The following PCNX4 variants were observed in gnomAD, a reference collection of about 807,000 sequenced individuals.
PCNX4 encodes the protein pecanex 4, also known as pecanex-like protein 4.
Under a neutral mutation model 107.2 loss-of-function variants are expected in PCNX4, and 103 were observed. The observed-to-expected ratio is 0.96, with a 90% CI of 0.82 to 1.13. PCNX4 has a LOEUF of 1.13. PCNX4 is among the 50% of genes most tolerant of loss of function. The pLI is 0.00. For missense variants in PCNX4, 1,528 were observed against 1,379.4 expected (o/e 1.11, Z -1.71); for synonymous variants, 541 against 481.7 (o/e 1.12, Z -1.61).
Position 60,141,455 on chromosome 14 carries a change from TCAGG to T in PCNX4, c.*7238_*7241del. On this transcript the variant is annotated 3_prime_UTR_variant, in exon 11 of 11. Coordinates refer to ENST00000406854, the MANE Select transcript of PCNX4 (RefSeq NM_001330177.2). ...ATGAAATGAAGAGTATCACTATAAA[TCAGG>T]CAGTCATTAAAAAGATAATGAGGAA... The T allele has an allele frequency of 6.6e-6, 1 of 152,244 alleles. No individual in the cohort carries two copies. Among genetic ancestry groups the T allele is most frequent in the East Asian group, 1.9e-4 (1 of 5,182 alleles). The allele number at this position is 152,244 out of a possible 1,614,324, so 9.4% of individuals were successfully genotyped here.
chr14:60,110,273 A>G (rs1895716310), intron 2 of PCNX4: 1 of 167,130 alleles, frequency 6.0e-6, no homozygotes, highest in South Asian at 2.1e-4. Flanking sequence ...AAAGTGCAGT[A>G]TTCTTCAAGA....
In PCNX4 at chr14:60,103,276, A is replaced by G. The variant is rs76875281; in HGVS notation, c.-53-4310A>G. The stretch of plus-strand genomic sequence containing the variant: ...TTAGTTACATGATCTGTTACTAGAT[A>G]TCATGGGAAAAATGGGTTCCAAGGT... On this transcript the variant is annotated intron_variant, in intron 1 of 10. Coordinates refer to ENST00000406854, the MANE Select transcript of PCNX4 (RefSeq NM_001330177.2). Among the ~76,000 whole-genome samples the G allele has an allele frequency of 3.7e-4, 57 of 152,350 alleles. No individual in the cohort carries two copies. In the East Asian group the frequency reaches 9.1e-3, roughly 24 times the overall value.
chr14:60,124,311 G>C lies in PCNX4; in HGVS notation c.2140G>C (p.Val714Leu), dbSNP rs748704165. 1 of 1,611,094 alleles carries C rather than the reference G, an allele frequency of 6.2e-7. No homozygotes were observed. Among genetic ancestry groups the C allele is most frequent in the East Asian group, 2.2e-5 (1 of 44,820 alleles). Residue 714 changes from valine to leucine, a missense_variant, in exon 9 of 11, where the codon GTA becomes CTA. Transcript: ENST00000406854. ...EDAFEQEYTR[V>L]CSLNEHFGNV... is the part of the protein sequence containing the mutation. The stretch of plus-strand genomic sequence containing the variant: ...TGCTTTTGAGCAAGAATACACAAGA[G>C]TATGTTCCCTTAATGAACACTTTGG...
Position 60,125,184 on chromosome 14 carries a change from T to G in PCNX4, c.3013T>G (p.Trp1005Gly), listed in dbSNP as rs149809900. 6 of 1,611,208 alleles carry G rather than the reference T, an allele frequency of 3.7e-6. No homozygotes were observed. Among genetic ancestry groups the G allele is most frequent in the Non-Finnish European group, 5.1e-6 (6 of 1,178,740 alleles). ...GAGAGTTTACGGTGGTGTTTTGCCT[T>G]GGTCTGTTGCTTTGGACTGGCTCAC... ...ILRVYGGVLP[W>G]SVALDWLTEK... is the part of the protein sequence containing the mutation. Residue 1005 changes from tryptophan to glycine, a missense_variant, in exon 9 of 11, where the codon TGG (tryptophan) becomes GGG (glycine). Physicochemically the swap from Trp to Gly is radical, Grantham distance 184 (BLOSUM62 -2). Coordinates refer to ENST00000406854, the MANE Select transcript of PCNX4 (RefSeq NM_001330177.2).
intron 1 of PCNX4, among the ~76,000 whole-genome samples, chr14:60,103,534 A>AAATC (rs1895572710): frequency 6.6e-6 from 1 of 152,342 alleles, no homozygotes; most frequent in Middle Eastern, 3.4e-3. Flanking sequence ...TCATTAAAAT[A>AAATC]AATCACCATA....
chr14:60,124,238 A>G lies in PCNX4; in HGVS notation c.2067A>G (p.Thr689=), dbSNP rs771206650. 3 of 1,589,744 alleles carry G rather than the reference A, an allele frequency of 1.9e-6. No individual in the cohort carries two copies. The highest frequency in any genetic ancestry group is 8.6e-7 in the Non-Finnish European group (1 of 1,167,802). ...TTTAGGGGTTAGAATTGCAGGAAAC[A>G]TCCTGTCATACTGCAGAAGCTCGCA... ...INIKGLELQE[T]SCHTAEARRV... is the part of the protein sequence containing the mutation. Residue 689 remains threonine (T), a synonymous_variant, in exon 9 of 11, where the codon ACA becomes ACG. Coordinates refer to ENST00000406854, the MANE Select transcript of PCNX4 (RefSeq NM_001330177.2).
At chr14:60,099,345 A>G (rs2140529919) in intron 1 of PCNX4, among the ~76,000 whole-genome samples, 1 of 152,338 alleles carries the variant, frequency 6.6e-6, no homozygotes, top group East Asian at 1.9e-4. Context: ...CTTTTTAGGA[A>G]TATGGATGAA....
chr14:60,122,493 T>C (rs891576525), intron 8 of PCNX4, among the ~76,000 whole-genome samples: 11 of 152,012 alleles, frequency 7.2e-5, no homozygotes, highest in African/African-American at 2.7e-4. Context: ...CACTTTCAGG[T>C]CTTTGCTCAA....
At chr14:60,133,592 G>A (rs1595181629) in intron 10 of PCNX4, 1 of 449,860 alleles carries the variant, frequency 2.2e-6, no homozygotes, top group East Asian at 6.8e-5. Context: ...TATGGAATGT[G>A]AATTATATCT....
At chr14:60,117,472 A>G (rs1435232418) in intron 6 of PCNX4, among the ~76,000 whole-genome samples, 1 of 152,202 alleles carries the variant, frequency 6.6e-6, no homozygotes, top group Non-Finnish European at 1.5e-5. Flanking sequence ...AGGTTTGTGT[A>G]TGTACGCTCT....
intron 4 of PCNX4, 116 bp from the exon 5 acceptor site, chr14:60,115,603 G>T (rs1454469480): frequency 3.7e-6 from 5 of 1,341,136 alleles, no homozygotes; most frequent in South Asian, 2.9e-5. Context: ...TTGTTTATTG[G>T]CTTTTTAGTT....
At chr14:60,102,986 G>A (rs907043331) in intron 1 of PCNX4, among the ~76,000 whole-genome samples, 2 of 152,060 alleles carry the variant, frequency 1.3e-5, no homozygotes, top group Non-Finnish European at 2.9e-5. Context: ...CCAGTGAATC[G>A]TAATTGTCTT....
chr14:60,124,880 T>C lies in PCNX4; in HGVS notation c.2709T>C (p.Ser903=). 3 of 1,613,832 alleles carry C rather than the reference T, an allele frequency of 1.9e-6. No individual in the cohort carries two copies. Among genetic ancestry groups the C allele is most frequent in the Non-Finnish European group, 2.5e-6 (3 of 1,179,776 alleles). The change falls in exon 9 of 11, where the codon AGT becomes AGC. Residue 903 remains serine (S), a synonymous_variant. Coordinates refer to ENST00000406854, the MANE Select transcript of PCNX4 (RefSeq NM_001330177.2). The part of the protein sequence containing the change: ...DMPYIPLMEF[S]CSHSHLVCLP... ...CATATATTCCTCTCATGGAGTTCAG[T>C]TGTTCACATTCTCACTTAGTATGCT...
At position 60,107,722 on chromosome 14, in the gene PCNX4, TCGATTCAAATTAGGCTA is replaced by T; in HGVS notation, c.85_101del (p.Arg29LeufsTer9). On this transcript the variant is annotated frameshift_variant, in exon 2 of 11. Coordinates refer to ENST00000406854, the MANE Select transcript of PCNX4 (RefSeq NM_001330177.2). LOFTEE classifies it high-confidence loss of function. Reference sequence around the variant, plus strand: ...TTCCACAGACTGTTCTTGGAGGCCCTCGATTCAAATTAGGCTATTGTGCCCCTCCTTACATATATGTT... The same window carrying T: ...TTCCACAGACTGTTCTTGGAGGCCCTTTGTGCCCCTCCTTACATATATGTT... 1 of 1,612,800 alleles carries T rather than the reference TCGATTCAAATTAGGCTA, an allele frequency of 6.2e-7. No individual in the cohort carries two copies. The highest frequency in any genetic ancestry group is 8.5e-7 in the Non-Finnish European group (1 of 1,179,830).
At chr14:60,129,688 A>G (rs944644638) in intron 10 of PCNX4, among the ~76,000 whole-genome samples, 1 of 152,256 alleles carries the variant, frequency 6.6e-6, no homozygotes, top group Non-Finnish European at 1.5e-5. Flanking sequence ...TTATAATGTG[A>G]TATGTATAAC....
intron 1 of PCNX4, among the ~76,000 whole-genome samples, chr14:60,096,955 C>T (rs985011642): frequency 3.9e-5 from 6 of 152,178 alleles, no homozygotes; most frequent in Non-Finnish European, 8.8e-5. Flanking sequence ...AAGTGGGAAA[C>T]TGGAGAGAGA....
At position 60,139,276 on chromosome 14, in the gene PCNX4, T is replaced by C. The variant is rs569963736; in HGVS notation, c.*5055T>C. On this transcript the variant is annotated 3_prime_UTR_variant, in exon 11 of 11. Transcript: ENST00000406854. ...GAAGTAAACAAGAATGGAAAAATTATAATATGAAATACAAAAAACAAAAAC... is the reference window on the plus strand; with the variant it reads ...GAAGTAAACAAGAATGGAAAAATTACAATATGAAATACAAAAAACAAAAAC... The C allele has an allele frequency of 2.6e-5, 4 of 152,160 alleles. No individual in the cohort carries two copies. Among genetic ancestry groups the C allele is most frequent in the Middle Eastern group, 3.4e-3 (1 of 294 alleles). 9.4% of individuals were successfully genotyped at this position (152,160 alleles called of 1,614,324 possible). A position where few individuals can be genotyped will look rare whatever the true frequency, so the allele number is the denominator to read the frequency against.
Position 60,107,822 on chromosome 14 carries a change from T to C in PCNX4, c.184T>C (p.Tyr62His), listed in dbSNP as rs1895657764. ...TTGGGGTGGAGTCGGAACACTTTTA[T>C]ACCAGTTAGGCATCCTGAAAGACTA... ...WVWGGVGTLL[Y>H]QLGILKDYYT... Residue 62 changes from tyrosine (Y) to histidine (H), a missense_variant, in exon 2 of 11, where the codon TAC (tyrosine) becomes CAC (histidine). Physicochemically the swap from Tyr to His is moderately conservative, Grantham distance 83. Coordinates refer to ENST00000406854, the MANE Select transcript of PCNX4 (RefSeq NM_001330177.2). 6.2e-7 allele frequency: 1 copy of C among 1,612,826 alleles called. No homozygotes were observed. Among genetic ancestry groups the C allele is most frequent in the East Asian group, 2.2e-5 (1 of 44,878 alleles).
At chr14:60,095,927 C>T (rs1056136323) in intron 1 of PCNX4, among the ~76,000 whole-genome samples, 3 of 152,162 alleles carry the variant, frequency 2.0e-5, no homozygotes, top group African/African-American at 7.2e-5. Flanking sequence ...ATATTACTGC[C>T]TTCTCAATTA....
Sources: gnomAD v4.1 joint callset for allele counts (sites outside exome capture counted in the v4.1 genomes callset) on GRCh38, gnomAD v4.1.1 for gene constraint, MANE v1.5 for transcripts, NCBI Gene and HGNC (gene_info 2026-07-23, HGNC 2026-07-21) for gene names.